ERC2: variants seen among roughly 807,000 people sequenced by gnomAD.
The protein encoded by ERC2 is ELKS/RAB6-interacting/CAST family member 2.
Under a neutral mutation model 114.8 loss-of-function variants are expected in ERC2, and 42 were observed. The ratio of observed to expected loss-of-function variants is 0.37; its 90% confidence interval spans 0.29 to 0.47. ERC2 has a LOEUF of 0.47. ERC2 is among the 20% of genes least tolerant of loss of function. ERC2 has a pLI of 0.99. For synonymous variants in ERC2, 454 were observed against 425.5 expected (o/e 1.07, Z -0.82); for missense variants, 939 against 1,150.7 (o/e 0.82, Z 2.66).
At chr3:56,032,042 G>A (rs1444424988) in intron 7 of ERC2, among the ~76,000 whole-genome samples, 1 of 152,138 alleles carries the variant, frequency 6.6e-6, no homozygotes, top group East Asian at 1.9e-4. Context: ...AGAACTGGTT[G>A]TTTAAGAGTC....
chr3:55,949,679 T>C (rs945975002), intron 13 of ERC2, among the ~76,000 whole-genome samples: 2 of 152,210 alleles, frequency 1.3e-5, no homozygotes, highest in Admixed American at 1.3e-4. Flanking sequence ...AAACCTAATA[T>C]ATAACTGGAG....
chr3:55,530,451 A>C (rs922128932), intron 17 of ERC2, among the ~76,000 whole-genome samples: 13 of 111,226 alleles, frequency 1.2e-4, no homozygotes, highest in Admixed American at 5.1e-4. Context: ...GTATGGCTTG[A>C]AACGTCTGAC....
chr3:55,941,549 G>A (rs1204650750), intron 13 of ERC2, among the ~76,000 whole-genome samples: 2 of 152,130 alleles, frequency 1.3e-5, no homozygotes, highest in Admixed American at 6.5e-5. Flanking sequence ...CCCTTTCTGA[G>A]AGCACCCTCA....
chr3:55,584,846 C>T (rs747680917), intron 17 of ERC2, among the ~76,000 whole-genome samples: 27 of 152,186 alleles, frequency 1.8e-4, no homozygotes, highest in Non-Finnish European at 2.8e-4. Flanking sequence ...TTGGGCATTC[C>T]CGCCCCAAGA....
At chr3:55,769,912 G>T (rs1451270280) in intron 14 of ERC2, among the ~76,000 whole-genome samples, 4 of 152,144 alleles carry the variant, frequency 2.6e-5, no homozygotes, top group Non-Finnish European at 5.9e-5. Flanking sequence ...ACAATTATTT[G>T]CTCCCTGCTT....
At chr3:56,017,994 G>A (rs1475440855) in intron 8 of ERC2, among the ~76,000 whole-genome samples, 1 of 152,126 alleles carries the variant, frequency 6.6e-6, no homozygotes, top group Non-Finnish European at 1.5e-5. Flanking sequence ...GTCTAGCAGA[G>A]AAGAGAAATT....
At chr3:55,592,091 C>G (rs1473151437) in intron 17 of ERC2, among the ~76,000 whole-genome samples, 1 of 152,268 alleles carries the variant, frequency 6.6e-6, no homozygotes, top group Admixed American at 6.5e-5. Flanking sequence ...TTCTACGTGA[C>G]TAGGAAGGGT....
At chr3:55,973,873 T>G (rs2069364311) in intron 12 of ERC2, among the ~76,000 whole-genome samples, 1 of 152,206 alleles carries the variant, frequency 6.6e-6, no homozygotes, top group Non-Finnish European at 1.5e-5. Flanking sequence ...ACTTAGTTGA[T>G]CGTATGATAA....
intron 3 of ERC2, among the ~76,000 whole-genome samples, chr3:56,221,171 A>C (rs1382399876): frequency 2.0e-5 from 3 of 152,014 alleles, no homozygotes. Flanking sequence ...AAATTTTCAA[A>C]TTAGATTATA....
At chr3:55,868,097 T>C (rs2062410303) in intron 14 of ERC2, among the ~76,000 whole-genome samples, 1 of 152,210 alleles carries the variant, frequency 6.6e-6, no homozygotes, top group Admixed American at 6.5e-5. Context: ...CCTGACGATG[T>C]GTACGTTTCT....
At chr3:55,844,686 A>C (rs1037587724) in intron 14 of ERC2, among the ~76,000 whole-genome samples, 1 of 152,228 alleles carries the variant, frequency 6.6e-6, no homozygotes, top group Admixed American at 6.5e-5. Context: ...CATGCATGCT[A>C]TATCTCAATT....
intron 14 of ERC2, among the ~76,000 whole-genome samples, chr3:55,778,671 A>T (rs191017419): frequency 2.6e-5 from 4 of 152,240 alleles, no homozygotes; most frequent in Non-Finnish European, 5.9e-5. Flanking sequence ...CACATTAATA[A>T]GAAAAAGGTC....
At chr3:56,395,012 C>G (rs374067926) in intron 2 of ERC2, among the ~76,000 whole-genome samples, 126 of 150,860 alleles carry the variant, frequency 8.4e-4, no homozygotes, top group African/African-American at 2.9e-3. Flanking sequence ...CATGCTCTAA[C>G]ATGGATGAAT....
chr3:55,569,239 T>C (rs1295674974), intron 17 of ERC2, among the ~76,000 whole-genome samples: 1 of 152,058 alleles, frequency 6.6e-6, no homozygotes, highest in Non-Finnish European at 1.5e-5. Flanking sequence ...CCTATCTGAT[T>C]AAACAAATAC....
intron 14 of ERC2, among the ~76,000 whole-genome samples, chr3:55,775,624 T>C (rs1170791027): frequency 6.6e-6 from 1 of 151,184 alleles, no homozygotes; most frequent in South Asian, 2.1e-4. Flanking sequence ...TAAGGAGAGA[T>C]AGATAATAGA....
chr3:55,778,518 A>C (rs1235385836), intron 14 of ERC2, among the ~76,000 whole-genome samples: 1 of 152,210 alleles, frequency 6.6e-6, no homozygotes, highest in East Asian at 1.9e-4. Flanking sequence ...GCTATAAAGG[A>C]AAAGACTGGG....
intron 2 of ERC2, among the ~76,000 whole-genome samples, chr3:56,384,657 C>T (rs1183826077): frequency 6.6e-6 from 1 of 152,042 alleles, no homozygotes; most frequent in Non-Finnish European, 1.5e-5. Flanking sequence ...CTGTGGACTG[C>T]TTTTTCACCT....
rs556530851 is a variant in ERC2, at chr3:56,433,036, G to A, written c.657+1315C>T. Among the ~76,000 whole-genome samples, 10 of 152,162 alleles carry A rather than the reference G, an allele frequency of 6.6e-5. No homozygotes were observed. The East Asian group carries it at 1.5e-3, about 24-fold the overall frequency. On this transcript the variant is annotated intron_variant, in intron 2 of 17. Transcript: ENST00000288221. The stretch of plus-strand genomic sequence containing the variant: ...AAAAAAAAATAATTTTAATCGGCAG[G>A]CTGTGGTGATATGTGCCCGTAGTCC...
chr3:56,209,822 A>T (rs2048950617), intron 3 of ERC2, among the ~76,000 whole-genome samples: 1 of 152,158 alleles, frequency 6.6e-6, no homozygotes. Context: ...AAGTGAGTTG[A>T]CCATGAAAAA....
Sources: gnomAD v4.1 joint callset for allele counts (sites outside exome capture counted in the v4.1 genomes callset) on GRCh38, gnomAD v4.1.1 for gene constraint, MANE v1.5 for transcripts, NCBI Gene and HGNC (gene_info 2026-07-23, HGNC 2026-07-21) for gene names.